NACC1: variants seen among roughly 807,000 people sequenced by gnomAD.
NACC1 encodes the protein nucleus accumbens-associated protein 1.
NACC1 carries 6 observed loss-of-function variants against 41.7 expected under a neutral mutation model. The ratio of observed to expected loss-of-function variants is 0.14; its 90% CI spans 0.08 to 0.28. The LOEUF (loss-of-function observed/expected upper bound fraction) is 0.28. NACC1 is among the 10% of genes least tolerant of loss of function. NACC1 has a pLI of 1.00. For synonymous variants in NACC1, 338 were observed against 330.6 expected (o/e 1.02, Z -0.24); for missense variants, 434 against 763.7 (o/e 0.57, Z 5.09).
chr19:13,119,875 G>A (rs1454272154), intron 1 of NACC1, among the ~76,000 whole-genome samples: 1 of 152,152 alleles, frequency 6.6e-6, no homozygotes, highest in African/African-American at 2.4e-5. Context: ...GTTCAACTTA[G>A]GCCTTCTCTG....
At chr19:13,121,744 T>C (rs2019496350) in intron 1 of NACC1, among the ~76,000 whole-genome samples, 1 of 151,990 alleles carries the variant, frequency 6.6e-6, no homozygotes, top group Non-Finnish European at 1.5e-5. Flanking sequence ...AAAACATGAG[T>C]CAGTGTTCAT....
intron 1 of NACC1, among the ~76,000 whole-genome samples, chr19:13,127,903 A>G (rs561399743): frequency 3.3e-5 from 5 of 152,210 alleles, no homozygotes; most frequent in African/African-American, 1.2e-4. Context: ...ATGAAGAGCT[A>G]TGGCTGTCCC....
intron 1 of NACC1, among the ~76,000 whole-genome samples, chr19:13,128,711 C>T (rs1174805512): frequency 6.6e-6 from 1 of 152,250 alleles, no homozygotes; most frequent in Non-Finnish European, 1.5e-5. Flanking sequence ...GGCCCTGTCT[C>T]CTGCTGGACT....
upstream of NACC1, chr19:13,116,860 C>T: frequency 5.3e-6 from 1 of 189,376 alleles, no homozygotes; most frequent in Non-Finnish European, 1.1e-5. Flanking sequence ...GTGTTAATCA[C>T]AGTGGATCCC....
intron 1 of NACC1, among the ~76,000 whole-genome samples, chr19:13,127,825 T>A (rs191787341): frequency 2.6e-5 from 4 of 152,162 alleles, no homozygotes; most frequent in Admixed American, 6.5e-5. Flanking sequence ...CCAGCCTGGG[T>A]GACAGAGCAA....
chr19:13,136,245 G>T lies in NACC1; in HGVS notation c.960G>T (p.Glu320Asp). The change falls in exon 3 of 6, where the codon GAG becomes GAT. Residue 320 changes from glutamate (E) to aspartate (D), a missense_variant. Around this residue, in one of 4 missense-constraint regions of NACC1, gnomAD observed 234 missense variants for 308.3 expected, o/e 0.76. Transcript: ENST00000292431. This position sits in a 1 kb window ranked among gnomAD's most constrained non-coding sequence, Gnocchi z 5.5. The part of the protein sequence containing the change: ...MNVGQTAEKV[E>D]ALPEQVAPES... ...CTCTCCCTGCAGCCGAGAAGGTGGAGGCCCTCCCGGAGCAGGTAGCCCCCG... is the reference window on the plus strand; with the variant it reads ...CTCTCCCTGCAGCCGAGAAGGTGGATGCCCTCCCGGAGCAGGTAGCCCCCG... 1 of 1,613,126 alleles carries T rather than the reference G, an allele frequency of 6.2e-7. No individual in the cohort carries two copies.
chr19:13,126,955 G>T (rs1336537579), intron 1 of NACC1, among the ~76,000 whole-genome samples: 1 of 152,052 alleles, frequency 6.6e-6, no homozygotes. Context: ...GCCCAGTTTG[G>T]CAGGGGTGGT....
Position 13,137,405 on chromosome 19 carries a change from G to C in NACC1, c.1226+29G>C, listed in dbSNP as rs925941464. Reference sequence around the variant, plus strand: ...AGGCCCTTGCCAGAGCCCCAGGGAGGGGGGTGGGGTTTCCCCATGTCCCCC... The same window carrying C: ...AGGCCCTTGCCAGAGCCCCAGGGAGCGGGGTGGGGTTTCCCCATGTCCCCC... On this transcript the variant is annotated intron_variant, in intron 4 of 5. Transcript: ENST00000292431. This position sits in a 1 kb window ranked among gnomAD's most constrained non-coding sequence, Gnocchi z 6.1. The C allele has an allele frequency of 2.5e-6, 4 of 1,594,816 alleles. No individual in the cohort carries two copies. The highest frequency in any genetic ancestry group is 3.4e-6 in the Non-Finnish European group (4 of 1,163,368).
intron 1 of NACC1, among the ~76,000 whole-genome samples, 187 bp from the exon 2 acceptor site, chr19:13,135,013 G>C (rs2019681309): frequency 6.6e-6 from 1 of 152,234 alleles, no homozygotes; most frequent in Admixed American, 6.5e-5. Context: ...TATTGTAAAA[G>C]TGAGTCTGTA....
In NACC1 at chr19:13,135,983, C is replaced by T; in HGVS notation, c.776C>T (p.Ser259Leu). 1.2e-6 allele frequency: 2 copies of T among 1,610,780 alleles called. No homozygotes were observed. The highest frequency in any genetic ancestry group is 1.1e-5 in the South Asian group (1 of 90,448). ...GGTGTGGTGAGTGGGCCCAGCACGT[C>T]GGAGCGGACCAGCCCAGGCACCTCA... ...AGGVVSGPST[S>L]ERTSPGTSSA... Residue 259 changes from serine to leucine, a missense_variant, in exon 2 of 6, where the codon TCG becomes TTG. Transcript: ENST00000292431.
In NACC1 at chr19:13,136,727, GC is replaced by G. The variant is rs2019712234; in HGVS notation, c.1120+323del. ...GTTAGGAATTTGGACAGTCACAGGGGCGAATGCCTGTAGTCCTAGCTACTCA... is the reference window on the plus strand; with the variant it reads ...GTTAGGAATTTGGACAGTCACAGGGGGAATGCCTGTAGTCCTAGCTACTCA... On this transcript the variant is annotated intron_variant, in intron 3 of 5. Coordinates refer to ENST00000292431, the MANE Select transcript of NACC1 (RefSeq NM_052876.4). The surrounding 1 kb of genome is among the most constrained non-coding windows in gnomAD (Gnocchi z 5.5). 6.6e-6 allele frequency among the ~76,000 whole-genome samples: 1 copy of G among 152,330 alleles called. No homozygotes were observed. The highest frequency in any genetic ancestry group is 3.4e-3 in the Middle Eastern group (1 of 294).
chr19:13,118,650 T>C (rs2019440622), intron 1 of NACC1, among the ~76,000 whole-genome samples, 196 bp downstream of exon 1: 1 of 151,088 alleles, frequency 6.6e-6, no homozygotes. Context: ...GCTTCAGGGC[T>C]TGGGGGCGGC....
At chr19:13,121,210 G>A (rs1041980767) in intron 1 of NACC1, among the ~76,000 whole-genome samples, 7 of 152,178 alleles carry the variant, frequency 4.6e-5, no homozygotes, top group African/African-American at 1.4e-4. Flanking sequence ...GTGCTGGGGC[G>A]CAGGGAGGGG....
chr19:13,129,105 A>T (rs1029342623), intron 1 of NACC1, among the ~76,000 whole-genome samples: 3 of 151,758 alleles, frequency 2.0e-5, no homozygotes, highest in Non-Finnish European at 4.4e-5. Flanking sequence ...TAGCCTGGAG[A>T]AGTGAGTAGC....
chr19:13,136,005 C>A lies in NACC1; in HGVS notation c.798C>A (p.Thr266=). The part of the protein sequence containing the change: ...PSTSERTSPG[T]SSAYTSDSPG... The stretch of plus-strand genomic sequence containing the variant: ...CGTCGGAGCGGACCAGCCCAGGCAC[C>A]TCAAGCGCCTACACCAGCGACAGCC... The change falls in exon 2 of 6, where the codon ACC becomes ACA. Residue 266 remains threonine, a synonymous_variant. Coordinates refer to ENST00000292431, the MANE Select transcript of NACC1 (RefSeq NM_052876.4). This position sits in a 1 kb window ranked among gnomAD's most constrained non-coding sequence, Gnocchi z 5.5. 6.2e-7 allele frequency: 1 copy of A among 1,613,328 alleles called. No homozygotes were observed. The highest frequency in any genetic ancestry group is 8.5e-7 in the Non-Finnish European group (1 of 1,179,772).
Position 13,135,340 on chromosome 19 carries a change from C to A in NACC1, c.133C>A (p.Arg45=). ...VVKGHAFKAH[R]AVLAASSSYF... ...CAAGGGCCATGCCTTCAAGGCCCAC[C>A]GGGCCGTGCTTGCTGCCAGCAGCTC... The change falls in exon 2 of 6, where the codon CGG becomes AGG. Residue 45 remains arginine (R), a synonymous_variant. Coordinates refer to ENST00000292431, the MANE Select transcript of NACC1 (RefSeq NM_052876.4). The A allele has an allele frequency of 1.2e-6, 2 of 1,613,706 alleles. No homozygotes were observed. Among genetic ancestry groups the A allele is most frequent in the South Asian group, 1.1e-5 (1 of 91,090 alleles).
chr19:13,126,490 T>G (rs187570838), intron 1 of NACC1, among the ~76,000 whole-genome samples: 6 of 152,284 alleles, frequency 3.9e-5, no homozygotes, highest in East Asian at 3.9e-4. Flanking sequence ...GGACTGTGCC[T>G]TTGACAGTCT....
At chr19:13,130,576 C>T (rs1208983066) in intron 1 of NACC1, among the ~76,000 whole-genome samples, 3 of 144,508 alleles carry the variant, frequency 2.1e-5, no homozygotes, top group African/African-American at 7.8e-5. Flanking sequence ...CACTCTGTTG[C>T]CCAGGCTGGA....
At position 13,136,227 on chromosome 19, in the gene NACC1, T is replaced by C. The variant is rs1349272176; in HGVS notation, c.947-5T>C. ...TGCCACTCGCGTGCCACTCTCTCCC[T>C]GCAGCCGAGAAGGTGGAGGCCCTCC... On this transcript the variant is annotated splice_region_variant and splice_polypyrimidine_tract_variant and intron_variant, in intron 2 of 5. Transcript: ENST00000292431. This position sits in a 1 kb window ranked among gnomAD's most constrained non-coding sequence, Gnocchi z 5.5. The C allele has an allele frequency of 1.2e-6, 2 of 1,610,504 alleles. No homozygotes were observed. The highest frequency in any genetic ancestry group is 1.7e-5 in the Admixed American group (1 of 59,882).
Sources: gnomAD v4.1 joint callset for allele counts (sites outside exome capture counted in the v4.1 genomes callset) on GRCh38, gnomAD v4.1.1 for gene constraint, gnomAD v4.1.1 regional missense constraint, Gnocchi (gnomAD v3.1) non-coding constraint, MANE v1.5 for transcripts, NCBI Gene and HGNC (gene_info 2026-07-23, HGNC 2026-07-21) for gene names.